The following PCDHA1 variants were observed in gnomAD, a reference collection of about 807,000 sequenced individuals.
The protein encoded by PCDHA1 is protocadherin alpha-1.
In PCDHA1, 42 loss-of-function variants were observed where a neutral mutation model predicts 61.3. The observed-to-expected ratio is 0.69, with a 90% CI of 0.54 to 0.89. The LOEUF is 0.89. Among genes scored for constraint, PCDHA1 ranks in the 40% least tolerant of loss-of-function variants. The pLI, the probability that PCDHA1 is intolerant of heterozygous loss-of-function variation, is 0.00. For synonymous variants in PCDHA1, 610 were observed against 553.8 expected (o/e 1.10, Z -1.43); for missense variants, 1,256 against 1,235.3 (o/e 1.02, Z -0.25).
chr5:140,801,159 T>C, intron 1 of PCDHA1: 1 of 1,535,928 alleles, frequency 6.5e-7, no homozygotes, highest in Non-Finnish European at 8.7e-7. Flanking sequence ...AAACTTTGGA[T>C]CAATGTAAAG....
chr5:140,837,353 A>G (rs1415988517), intron 1 of PCDHA1, among the ~76,000 whole-genome samples: 12 of 152,028 alleles, frequency 7.9e-5, no homozygotes, highest in Non-Finnish European at 5.9e-5. Flanking sequence ...AATAGTTTAA[A>G]TGGCAGTTTA....
chr5:140,790,377 A>G (rs1458590343), intron 1 of PCDHA1, among the ~76,000 whole-genome samples: 4 of 152,260 alleles, frequency 2.6e-5, no homozygotes, highest in African/African-American at 9.6e-5. Context: ...ACTTTCAAAC[A>G]TACATGAATG....
intron 1 of PCDHA1, among the ~76,000 whole-genome samples, chr5:140,895,100 T>G (rs1306041919): frequency 2.0e-5 from 3 of 152,190 alleles, no homozygotes; most frequent in African/African-American, 7.2e-5. Context: ...TAGGGGTTTT[T>G]GCTACAAGAA....
At chr5:140,867,183 G>A (rs1035791499) in intron 1 of PCDHA1, 3 of 151,946 alleles carry the variant, frequency 2.0e-5, no homozygotes, top group Non-Finnish European at 4.4e-5. Flanking sequence ...TCCCTACCTC[G>A]CAAGACTCCA....
At position 140,796,137 on chromosome 5, in the gene PCDHA1, C is replaced by T. The variant is rs782247012; in HGVS notation, c.2394+7453C>T. On this transcript the variant is annotated intron_variant, in intron 1 of 3. Coordinates refer to ENST00000504120, the MANE Select transcript of PCDHA1 (RefSeq NM_018900.4). The stretch of plus-strand genomic sequence containing the variant: ...GACATGTCACCTGCTCCCTGACGCC[C>T]CACGTCCCTTTCAAGCTGGTGTCCA... 4 of 1,614,096 alleles carry T rather than the reference C, an allele frequency of 2.5e-6. No individual in the cohort carries two copies. In the African/African-American group the frequency reaches 5.3e-5, roughly 22 times the overall value.
intron 1 of PCDHA1, chr5:140,841,201 C>A: frequency 7.7e-7 from 1 of 1,296,960 alleles, no homozygotes; most frequent in South Asian, 1.5e-5. Flanking sequence ...TCTCTGACAG[C>A]ATCTGTCTCT....
At chr5:140,819,356 A>G (rs1766542325) in intron 1 of PCDHA1, among the ~76,000 whole-genome samples, 1 of 152,128 alleles carries the variant, frequency 6.6e-6, no homozygotes, top group African/African-American at 2.4e-5. Flanking sequence ...ATGAAGATTA[A>G]ATTTTCTTGT....
chr5:140,965,794 C>T (rs1554227851), intron 1 of PCDHA1, among the ~76,000 whole-genome samples: 1 of 152,170 alleles, frequency 6.6e-6, no homozygotes, highest in Non-Finnish European at 1.5e-5. Flanking sequence ...TTCATGGAGA[C>T]TATTTTTTTA....
chr5:140,875,987 T>C, intron 1 of PCDHA1: 1 of 1,614,032 alleles, frequency 6.2e-7, no homozygotes, highest in Non-Finnish European at 8.5e-7. Flanking sequence ...ACCTATGCGT[T>C]AAGTCTAAAT....
chr5:141,002,612 CA>C, intron 3 of PCDHA1, among the ~76,000 whole-genome samples: 1 of 152,178 alleles, frequency 6.6e-6, no homozygotes, highest in Non-Finnish European at 1.5e-5. Flanking sequence ...AAAACAGACA[CA>C]TAACACAGAC....
At chr5:140,994,733 C>G (rs2097647887) in intron 3 of PCDHA1, among the ~76,000 whole-genome samples, 1 of 152,034 alleles carries the variant, frequency 6.6e-6, no homozygotes, top group Non-Finnish European at 1.5e-5. Context: ...CTGGGTATTG[C>G]AGGATGGCAA....
chr5:140,839,391 TG>T (rs1776205247), intron 1 of PCDHA1, among the ~76,000 whole-genome samples: 1 of 151,714 alleles, frequency 6.6e-6, no homozygotes, highest in African/African-American at 2.4e-5. Flanking sequence ...ATGATGATGA[TG>T]ATGATTATTA....
chr5:140,887,722 T>C (rs1214089693), intron 1 of PCDHA1, among the ~76,000 whole-genome samples: 2 of 152,200 alleles, frequency 1.3e-5, no homozygotes, highest in Non-Finnish European at 2.9e-5. Context: ...AATAGTTTTT[T>C]CTTTCCTTCC....
chr5:140,813,995 C>G (rs1554126359), intron 1 of PCDHA1: 1 of 152,658 alleles, frequency 6.6e-6, no homozygotes, highest in African/African-American at 2.4e-5. Context: ...GAGACTCTGT[C>G]TCAATTTTTT....
At chr5:140,957,799 TA>T (rs1430681763) in intron 1 of PCDHA1, among the ~76,000 whole-genome samples, 2 of 152,032 alleles carry the variant, frequency 1.3e-5, no homozygotes, top group African/African-American at 2.4e-5. Context: ...ATATGTTAAG[TA>T]AAAAAAAGTC....
intron 1 of PCDHA1, chr5:140,859,995 A>C (rs1279929843): frequency 6.6e-6 from 1 of 152,046 alleles, no homozygotes; most frequent in Non-Finnish European, 1.5e-5. Context: ...CTCTCCATCA[A>C]TACTAACTTA....
chr5:140,990,898 G>A (rs1408537294), intron 3 of PCDHA1, among the ~76,000 whole-genome samples: 3 of 152,146 alleles, frequency 2.0e-5, no homozygotes, highest in Non-Finnish European at 4.4e-5. Context: ...GGTCGTTGCT[G>A]GGTCAAGTTT....
intron 1 of PCDHA1, chr5:140,795,014 C>A: frequency 6.2e-7 from 1 of 1,613,760 alleles, no homozygotes. Flanking sequence ...CGGCTGCTCT[C>A]GCTTCTGCTC....
intron 1 of PCDHA1, chr5:140,865,406 G>A (rs899888055): frequency 4.6e-5 from 7 of 152,130 alleles, no homozygotes; most frequent in African/African-American, 1.4e-4. Flanking sequence ...ATGCTGAAAA[G>A]GAATTAGTAG....
Sources: gnomAD v4.1 joint callset for allele counts (sites outside exome capture counted in the v4.1 genomes callset) on GRCh38, gnomAD v4.1.1 for gene constraint, MANE v1.5 for transcripts, NCBI Gene and HGNC (gene_info 2026-07-23, HGNC 2026-07-21) for gene names.